THSD7B: variants seen among roughly 807,000 people sequenced by gnomAD.
THSD7B encodes thrombospondin type-1 domain-containing protein 7B.
A neutral mutation model predicts 213.6 loss-of-function variants in THSD7B; 138 were observed. That is an observed-to-expected ratio of 0.65 (90% CI 0.56 to 0.74). The LOEUF (loss-of-function observed/expected upper bound fraction) is 0.74, where lower values mean the gene tolerates loss of function less well. Ranked by LOEUF, THSD7B falls within the 30% of genes least tolerant of loss-of-function variation. The pLI is 0.00. For synonymous variants in THSD7B, 742 were observed against 687.0 expected (o/e 1.08, Z -1.25); for missense variants, 1,931 against 1,991.5 (o/e 0.97, Z 0.58).
At chr2:137,661,766 C>T (rs996190396) in intron 25 of THSD7B, among the ~76,000 whole-genome samples, 4 of 152,082 alleles carry the variant, frequency 2.6e-5, no homozygotes, top group African/African-American at 9.7e-5. Context: ...GGGTAGAGGT[C>T]GTTTTCCCTC....
At position 137,646,393 on chromosome 2, in the gene THSD7B, G is replaced by A. The variant is rs571114015; in HGVS notation, c.3945+3760G>A. Among the ~76,000 whole-genome samples the A allele has an allele frequency of 2.7e-5, 4 of 148,978 alleles. No individual in the cohort carries two copies. In the Admixed American group the frequency reaches 2.7e-4, roughly 10 times the overall value. Reference sequence around the variant, plus strand: ...GTGGTGGCTCACACCTGTTATCCCAGAACTTTGGGAGGCCGAGGAGGGTGA... The same window carrying A: ...GTGGTGGCTCACACCTGTTATCCCAAAACTTTGGGAGGCCGAGGAGGGTGA... On this transcript the variant is annotated intron_variant, in intron 21 of 27. Coordinates refer to ENST00000409968, the MANE Select transcript of THSD7B (RefSeq NM_001316349.2).
chr2:137,570,108 A>G (rs906877644), intron 16 of THSD7B, among the ~76,000 whole-genome samples: 1 of 151,848 alleles, frequency 6.6e-6, no homozygotes, highest in Non-Finnish European at 1.5e-5. Flanking sequence ...CATAGTTATT[A>G]AAGTCCATAG....
At chr2:137,550,303 A>G (rs904655875) in intron 15 of THSD7B, among the ~76,000 whole-genome samples, 16 of 152,090 alleles carry the variant, frequency 1.1e-4, no homozygotes, top group Non-Finnish European at 2.4e-4. Context: ...TGCCTGGTAG[A>G]ATATCATGCG....
chr2:137,462,967 G>A (rs1478960867), intron 15 of THSD7B, among the ~76,000 whole-genome samples: 1 of 152,052 alleles, frequency 6.6e-6, no homozygotes, highest in Non-Finnish European at 1.5e-5. Flanking sequence ...TGTGAAGAAG[G>A]AAAACAAGTC....
At chr2:136,996,174 C>T (rs1345934006) in intron 2 of THSD7B, among the ~76,000 whole-genome samples, 3 of 152,160 alleles carry the variant, frequency 2.0e-5, no homozygotes, top group African/African-American at 7.2e-5. Context: ...TTCTATTTTC[C>T]TTCGTCTGTC....
At chr2:137,449,329 A>C (rs1307333925) in intron 14 of THSD7B, among the ~76,000 whole-genome samples, 1 of 152,194 alleles carries the variant, frequency 6.6e-6, no homozygotes, top group Non-Finnish European at 1.5e-5. Flanking sequence ...ATAACTGGAG[A>C]TATTTATTTT....
chr2:137,301,987 G>A (rs62171149), intron 12 of THSD7B, among the ~76,000 whole-genome samples: 9,367 of 152,094 alleles, frequency 0.062, 540 homozygotes, highest in African/African-American at 0.14. Flanking sequence ...AAGGACACCA[G>A]TTAGGAGGCT....
intron 17 of THSD7B, among the ~76,000 whole-genome samples, chr2:137,592,186 A>AT (rs1681878811): frequency 6.6e-6 from 1 of 151,672 alleles, no homozygotes; most frequent in Non-Finnish European, 1.5e-5. Context: ...ACTTAAATAC[A>AT]TATTTCTCTG....
chr2:137,146,977 A>T (rs535672089), intron 5 of THSD7B, among the ~76,000 whole-genome samples: 1 of 152,160 alleles, frequency 6.6e-6, no homozygotes, highest in African/African-American at 2.4e-5. Context: ...TGTCAAAATT[A>T]TACTCCATAA....
At chr2:136,885,517 G>A (rs1683703169) in intron 2 of THSD7B, among the ~76,000 whole-genome samples, 1 of 152,142 alleles carries the variant, frequency 6.6e-6, no homozygotes, top group Non-Finnish European at 1.5e-5. Context: ...GCTGTGTCAA[G>A]AAAGAAGGAT....
chr2:137,352,754 T>C (rs930986045), intron 12 of THSD7B, among the ~76,000 whole-genome samples: 4 of 152,128 alleles, frequency 2.6e-5, no homozygotes, highest in African/African-American at 9.6e-5. Flanking sequence ...TCCCAAATTA[T>C]AGTTAATGTT....
At chr2:137,614,986 GA>G (rs1352473797) in intron 17 of THSD7B, among the ~76,000 whole-genome samples, 1 of 152,130 alleles carries the variant, frequency 6.6e-6, no homozygotes, top group African/African-American at 2.4e-5. Flanking sequence ...TCTTCATCCA[GA>G]GACTTTTATT....
chr2:136,970,285 G>A (rs1394818385), intron 2 of THSD7B, among the ~76,000 whole-genome samples: 2 of 151,944 alleles, frequency 1.3e-5, no homozygotes, highest in African/African-American at 4.8e-5. Flanking sequence ...GCAACATGGA[G>A]AAACCCCATC....
chr2:136,854,635 T>A (rs1683151232), intron 1 of THSD7B, among the ~76,000 whole-genome samples: 1 of 151,638 alleles, frequency 6.6e-6, no homozygotes, highest in South Asian at 2.1e-4. Context: ...TGGAAAGGGA[T>A]AAGAAAGAAA....
rs190871285 is a variant in THSD7B, at chr2:136,780,514, C to T, written c.-36+14827C>T. 3.2e-4 allele frequency among the ~76,000 whole-genome samples: 48 copies of T among 152,276 alleles called. No individual in the cohort carries two copies. The East Asian group carries it at 8.5e-3, about 27-fold the overall frequency. ...TCTTTCTATCTCTGTCCTCCCATCTCGTTGAATTTGATTTCCTTTATGCAA... is the reference window on the plus strand; with the variant it reads ...TCTTTCTATCTCTGTCCTCCCATCTTGTTGAATTTGATTTCCTTTATGCAA... On this transcript the variant is annotated intron_variant, in intron 1 of 27. Transcript: ENST00000409968.
chr2:137,050,068 G>A (rs1420335684), intron 2 of THSD7B, among the ~76,000 whole-genome samples: 2 of 152,100 alleles, frequency 1.3e-5, no homozygotes, highest in Non-Finnish European at 2.9e-5. Flanking sequence ...ATTTGTCTAG[G>A]CTTTGCTTTT....
intron 2 of THSD7B, among the ~76,000 whole-genome samples, chr2:136,995,630 T>G (rs1685871080): frequency 6.6e-6 from 1 of 152,056 alleles, no homozygotes; most frequent in Non-Finnish European, 1.5e-5. Flanking sequence ...ATATCAAAGG[T>G]GTAATAATTC....
intron 20 of THSD7B, among the ~76,000 whole-genome samples, chr2:137,641,583 AAG>A (rs541647166): frequency 6.6e-6 from 1 of 152,238 alleles, no homozygotes; most frequent in Non-Finnish European, 1.5e-5. Context: ...AAGAGTAGGA[AAG>A]AGAGAGTGAG....
chr2:136,832,296 G>C (rs1296346439), intron 1 of THSD7B, among the ~76,000 whole-genome samples: 1 of 151,932 alleles, frequency 6.6e-6, no homozygotes, highest in African/African-American at 2.4e-5. Flanking sequence ...CTGCAAGCTG[G>C]AGAGCTGGAA....
Sources: gnomAD v4.1 joint callset for allele counts (sites outside exome capture counted in the v4.1 genomes callset) on GRCh38, gnomAD v4.1.1 for gene constraint, MANE v1.5 for transcripts, NCBI Gene and HGNC (gene_info 2026-07-23, HGNC 2026-07-21) for gene names.